Variants in GCA observed in about 807,000 individuals in gnomAD.
GCA encodes the protein grancalcin, EF-hand calcium-binding protein.
GCA carries 30 observed loss-of-function variants against 32.6 expected under a neutral mutation model. The ratio of observed to expected loss-of-function variants is 0.92; its 90% CI spans 0.69 to 1.25. The LOEUF (loss-of-function observed/expected upper bound fraction) is 1.25, where lower values mean the gene tolerates loss of function less well. Ranked by LOEUF, GCA falls within the 50% of genes most tolerant of loss-of-function variation. The pLI is 0.00. For synonymous variants in GCA, 102 were observed against 84.6 expected, an observed-to-expected ratio of 1.21 and a Z score of -1.13; for missense variants, 291 against 266.8, an observed-to-expected ratio of 1.09 and a Z score of -0.63.
chr2:162,322,826 G>A (rs1419579143), intron 1 of GCA, among the ~76,000 whole-genome samples: 5 of 151,508 alleles, frequency 3.3e-5, no homozygotes, highest in Non-Finnish European at 7.4e-5. Flanking sequence ...ATTTGGGTTG[G>A]TTCCAAGTCT....
chr2:162,344,395 G>C (rs1293471637), intron 1 of GCA, 120 bp downstream of exon 1: 1 of 951,036 alleles, frequency 1.1e-6, no homozygotes, highest in Non-Finnish European at 1.6e-6. Context: ...CTGGTACTCG[G>C]CGGCGCCGGA....
In GCA at chr2:162,360,686, T is replaced by C; in HGVS notation, c.*443T>C. On this transcript the variant is annotated 3_prime_UTR_variant, in exon 8 of 8. Transcript: ENST00000437150. ...GTGGTGTTTGAGGGTTGGCTAGAAA[T>C]GAAAGCCTGGATTTTGTGCCATGTT... 7.4e-7 allele frequency: 1 copy of C among 1,344,268 alleles called. No individual in the cohort carries two copies. Among genetic ancestry groups the C allele is most frequent in the South Asian group, 2.0e-5 (1 of 49,992 alleles). The allele number at this position is 1,344,268 out of a possible 1,614,324, so 83.3% of individuals were successfully genotyped here.
downstream of GCA, among the ~76,000 whole-genome samples, chr2:162,372,446 T>C (rs2105383049): frequency 6.6e-6 from 1 of 152,160 alleles, no homozygotes; most frequent in Admixed American, 6.6e-5. Context: ...TAAGAGGGTA[T>C]AAGGAGGAAA....
intron 5 of GCA, among the ~76,000 whole-genome samples, chr2:162,357,296 C>A (rs549687754): frequency 6.6e-6 from 1 of 151,616 alleles, no homozygotes; most frequent in Non-Finnish European, 1.5e-5. Flanking sequence ...ATGTTTTTGT[C>A]TTTTTTTTCT....
downstream of GCA, among the ~76,000 whole-genome samples, chr2:162,366,448 A>G (rs2105368917): frequency 6.6e-6 from 1 of 152,044 alleles, no homozygotes; most frequent in South Asian, 2.1e-4. Context: ...GTTTATATAC[A>G]TAAGCCTCAC....
upstream of GCA, among the ~76,000 whole-genome samples, chr2:162,343,935 A>T (rs1344754527): frequency 6.6e-6 from 1 of 152,182 alleles, no homozygotes; most frequent in Non-Finnish European, 1.5e-5. Flanking sequence ...TGAGGGAGCC[A>T]GTAAGAGTCG....
At chr2:162,322,496 C>T (rs562061641) in intron 1 of GCA, among the ~76,000 whole-genome samples, 10 of 150,534 alleles carry the variant, frequency 6.6e-5, no homozygotes, top group South Asian at 4.2e-4. Context: ...CATGCTGGTG[C>T]GCTGCACCCA....
At chr2:162,328,219 A>T (rs995597903) in intron 1 of GCA, among the ~76,000 whole-genome samples, 2 of 27,918 alleles carry the variant, frequency 7.2e-5, no homozygotes, top group Non-Finnish European at 1.2e-4. Context: ...TGTTTCTACC[A>T]AAAAAAAAAA....
At chr2:162,332,804 G>A (rs937547576) in intron 1 of GCA, among the ~76,000 whole-genome samples, 8 of 151,584 alleles carry the variant, frequency 5.3e-5, no homozygotes, top group Non-Finnish European at 1.0e-4. Flanking sequence ...AGTTTATCAT[G>A]GCCTAGGTGA....
chr2:162,322,857 A>G lies in GCA; in HGVS notation c.-31+3632A>G, dbSNP rs1194856366. Among the ~76,000 whole-genome samples the G allele has an allele frequency of 3.3e-5, 5 of 151,834 alleles. No individual in the cohort carries two copies. The South Asian group carries it at 1.0e-3, about 31-fold the overall frequency. On this transcript the variant is annotated intron_variant, in intron 1 of 4. Transcript: ENST00000429691. ...AGTCTTTGCTATTGTGAATAATGCC[A>G]CAATAAACATACATGTGCATGTGTC...
At chr2:162,359,632 C>T (rs1685472173) in intron 7 of GCA, 80 bp downstream of exon 7, 1 of 651,032 alleles carries the variant, frequency 1.5e-6, no homozygotes, top group Admixed American at 2.5e-5. Flanking sequence ...ATCCCAAGTA[C>T]CAGTACTGGA....
At chr2:162,372,176 G>T, downstream of GCA, 1 of 1,153,932 alleles carries the variant, frequency 8.7e-7, no homozygotes, top group Non-Finnish European at 1.2e-6. Flanking sequence ...AAAAACTTAA[G>T]CATTTTCTTT....
chr2:162,326,073 C>A (rs891238480), intron 1 of GCA, among the ~76,000 whole-genome samples: 2 of 152,150 alleles, frequency 1.3e-5, no homozygotes, highest in Non-Finnish European at 2.9e-5. Flanking sequence ...GTTGGCTCCT[C>A]TGCTGGGTGT....
chr2:162,373,955 CACTG>C (rs1377285243), downstream of GCA, among the ~76,000 whole-genome samples: 1 of 152,154 alleles, frequency 6.6e-6, no homozygotes, highest in Non-Finnish European at 1.5e-5. Context: ...ATGTAAAACA[CACTG>C]ACAATTTATT....
chr2:162,358,190 T>G (rs956929978), intron 5 of GCA, among the ~76,000 whole-genome samples: 1 of 151,538 alleles, frequency 6.6e-6, no homozygotes, highest in Non-Finnish European at 1.5e-5. Context: ...TGGGCTACCA[T>G]TCTTCTTAGT....
intron 2 of GCA, among the ~76,000 whole-genome samples, chr2:162,351,522 G>A (rs1018979195): frequency 6.6e-6 from 1 of 152,124 alleles, no homozygotes; most frequent in African/African-American, 2.4e-5. Flanking sequence ...TTTGTAAGGG[G>A]TTCTTTTGCC....
intron 1 of GCA, among the ~76,000 whole-genome samples, chr2:162,328,571 G>A (rs1363084829): frequency 1.3e-5 from 2 of 152,086 alleles, no homozygotes; most frequent in Non-Finnish European, 2.9e-5. Flanking sequence ...GCATACACAC[G>A]GGCAGGCTGT....
Position 162,360,739 on chromosome 2 carries a change from T to C in GCA, c.*496T>C. On this transcript the variant is annotated 3_prime_UTR_variant, in exon 8 of 8. Transcript: ENST00000437150. ...TAATATAGTTTGTTCCTTGATCAAA[T>C]AATCAGAGAAAAGAAACTTAAAGAT... is the stretch of plus-strand genomic sequence containing the variant. The C allele has an allele frequency of 7.1e-7, 1 of 1,400,126 alleles. No homozygotes were observed. The highest frequency in any genetic ancestry group is 1.7e-5 in the South Asian group (1 of 59,748). 86.7% of individuals were successfully genotyped at this position (1,400,126 alleles called of 1,614,324 possible).
rs773790858 is a variant in GCA at position 162,344,206 on chromosome 2, A to G, written c.-43A>G. ...TGTGCTTTTTCTCCCAGCACTGCGG[A>G]CGCGACTCGAGGGTGACGCTCGCTC... On this transcript the variant is annotated 5_prime_UTR_variant, in exon 1 of 8. Transcript: ENST00000437150. 11 of 1,612,770 alleles carry G rather than the reference A, an allele frequency of 6.8e-6. No individual in the cohort carries two copies. The highest frequency in any genetic ancestry group is 2.2e-5 in the South Asian group (2 of 91,042).
Sources: gnomAD v4.1 joint callset for allele counts (sites outside exome capture counted in the v4.1 genomes callset) on GRCh38, gnomAD v4.1.1 for gene constraint, MANE v1.5 for transcripts, NCBI Gene and HGNC (gene_info 2026-07-23, HGNC 2026-07-21) for gene names.